Variants in ATXN8OS observed in about 807,000 individuals in gnomAD.
ATXN8OS encodes the protein ATXN8 opposite strand lncRNA, also known as ATXN8 opposite strand (non-protein coding).
chr13:70,147,565 G>C (rs928797001), intron 4 of ATXN8OS, among the ~76,000 whole-genome samples: 5 of 152,048 alleles, frequency 3.3e-5, no homozygotes, highest in African/African-American at 9.6e-5. Context: ...AAGTATATAT[G>C]GTGCCCAATT....
intron 4 of ATXN8OS, among the ~76,000 whole-genome samples, chr13:70,149,878 G>C (rs1044056597): frequency 6.6e-6 from 1 of 151,990 alleles, no homozygotes; most frequent in Non-Finnish European, 1.5e-5. Context: ...TTTCCTTGTG[G>C]AGACTATTGC....
chr13:70,138,031 T>C (rs1407950676), intron 3 of ATXN8OS, among the ~76,000 whole-genome samples: 2 of 152,182 alleles, frequency 1.3e-5, no homozygotes, highest in African/African-American at 4.8e-5. Context: ...AGAGAACTTA[T>C]TATCACGAGA....
intron 3 of ATXN8OS, among the ~76,000 whole-genome samples, chr13:70,139,703 A>G (rs917803633): frequency 6.6e-6 from 1 of 152,154 alleles, no homozygotes; most frequent in African/African-American, 2.4e-5. Context: ...GTTTGAGTGT[A>G]GGAAACAGTA....
At chr13:70,165,242 CA>C (rs900271246) in intron 4 of ATXN8OS, among the ~76,000 whole-genome samples, 4 of 150,192 alleles carry the variant, frequency 2.7e-5, no homozygotes, top group Admixed American at 6.7e-5. Context: ...AGAAGAGTAA[CA>C]AAAAAAGAAA....
intron 3 of ATXN8OS, among the ~76,000 whole-genome samples, chr13:70,145,273 G>C (rs1335054098): frequency 6.6e-6 from 1 of 152,100 alleles, no homozygotes; most frequent in Non-Finnish European, 1.5e-5. Context: ...ATAGTTTCAA[G>C]TCAGGTAGCG....
exon 1 of ATXN8OS, chr13:70,107,811 T>A: frequency 1.3e-6 from 1 of 794,120 alleles, no homozygotes; most frequent in Non-Finnish European, 1.9e-6. Context: ...ATGCGCCCTC[T>A]GCACCCCTAG....
intron 2 of ATXN8OS, among the ~76,000 whole-genome samples, chr13:70,128,705 T>G (rs563150387): frequency 1.3e-5 from 2 of 152,268 alleles, no homozygotes; most frequent in Middle Eastern, 3.4e-3. Context: ...CTCTTGTGTT[T>G]ATTTTTTTTG....
chr13:70,153,228 C>A (rs1047482983), intron 4 of ATXN8OS, among the ~76,000 whole-genome samples: 1 of 152,128 alleles, frequency 6.6e-6, no homozygotes, highest in African/African-American at 2.4e-5. Context: ...TAATGTAATA[C>A]AATTTTTTGG....
In ATXN8OS at chr13:70,127,741, T is replaced by C. The variant is rs989882034; in HGVS notation, n.399-2043T>C. On this transcript the variant is annotated intron_variant and non_coding_transcript_variant, in intron 2 of 4. Coordinates refer to ENST00000678624, the Ensembl canonical transcript of ATXN8OS. Reference sequence around the variant, plus strand: ...GTAGTTAGAGAGTACAAACATCAAATCATTAATCATGTTATTAAAAAGCAA... The same window carrying C: ...GTAGTTAGAGAGTACAAACATCAAACCATTAATCATGTTATTAAAAAGCAA... Among the ~76,000 whole-genome samples, 8 of 68,172 alleles carry C rather than the reference T, an allele frequency of 1.2e-4. 1 individual carries two copies. Among genetic ancestry groups the C allele is most frequent in the African/African-American group, 3.5e-4 (8 of 22,810 alleles). The allele number at this position is 68,172 out of a possible 152,430, so 44.7% of individuals were successfully genotyped here.
chr13:70,127,819 C>G (rs553789497), intron 2 of ATXN8OS, among the ~76,000 whole-genome samples: 10 of 151,908 alleles, frequency 6.6e-5, no homozygotes, highest in Admixed American at 5.2e-4. Flanking sequence ...ATTATCCAAG[C>G]AGAGGCTAAC....
At chr13:70,136,899 T>C (rs1463058721) in intron 3 of ATXN8OS, among the ~76,000 whole-genome samples, 3 of 152,168 alleles carry the variant, frequency 2.0e-5, no homozygotes, top group African/African-American at 4.8e-5. Context: ...CTAGATTTTG[T>C]TCAGTTTAAT....
intron 3 of ATXN8OS, among the ~76,000 whole-genome samples, chr13:70,131,866 GTAT>G (rs763801019): frequency 1.3e-5 from 2 of 152,066 alleles, no homozygotes; most frequent in Non-Finnish European, 2.9e-5. Context: ...TCCTAACAAA[GTAT>G]TAAACAAAAT....
chr13:70,128,357 C>A (rs1223591929), intron 2 of ATXN8OS, among the ~76,000 whole-genome samples: 1 of 152,106 alleles, frequency 6.6e-6, no homozygotes, highest in East Asian at 1.9e-4. Flanking sequence ...TCTTTCTGAA[C>A]ATTAGTGCCC....
At chr13:70,116,592 A>T (rs1464020778) in intron 2 of ATXN8OS, among the ~76,000 whole-genome samples, 1 of 152,166 alleles carries the variant, frequency 6.6e-6, no homozygotes, top group East Asian at 1.9e-4. Flanking sequence ...CACTTACAGG[A>T]TCTTTTAAGC....
rs371806427 is a variant in ATXN8OS, at chr13:70,124,310, GATACACAAGCAAATAT to G, written n.399-5470_399-5455del. 3.0e-3 allele frequency among the ~76,000 whole-genome samples: 449 copies of G among 152,166 alleles called. 4 individuals are homozygous for G. Among genetic ancestry groups the G allele is most frequent in the African/African-American group, 9.8e-3 (408 of 41,556 alleles). On this transcript the variant is annotated intron_variant and non_coding_transcript_variant, in intron 2 of 4. Coordinates refer to ENST00000678624, the Ensembl canonical transcript of ATXN8OS. ...TAGCACTTACATCCTTGTGGGAAAA[GATACACAAGCAAATAT>G]ATAAGTAAATAATGTCACGAGGTTG...
chr13:70,132,689 A>T (rs1888551172), intron 3 of ATXN8OS, among the ~76,000 whole-genome samples: 1 of 152,192 alleles, frequency 6.6e-6, no homozygotes, highest in South Asian at 2.1e-4. Flanking sequence ...CTCTATGAAG[A>T]TAACATGAAC....
chr13:70,133,428 G>A (rs9592676), intron 3 of ATXN8OS, among the ~76,000 whole-genome samples: 24,005 of 151,910 alleles, frequency 0.16, 2,087 homozygotes, highest in East Asian at 0.24. Context: ...AATATGTACT[G>A]TAATATTTAA....
intron 2 of ATXN8OS, among the ~76,000 whole-genome samples, chr13:70,120,714 A>C (rs1241861206): frequency 6.6e-6 from 1 of 152,170 alleles, no homozygotes; most frequent in East Asian, 1.9e-4. Context: ...AAATCTGCAC[A>C]TATACACCAT....
intron 3 of ATXN8OS, among the ~76,000 whole-genome samples, chr13:70,141,175 T>G (rs1888709500): frequency 6.6e-6 from 1 of 152,210 alleles, no homozygotes; most frequent in Admixed American, 6.5e-5. Flanking sequence ...AGTTGATCCT[T>G]CCTCAAGTTT....
Sources: gnomAD v4.1 joint callset for allele counts (sites outside exome capture counted in the v4.1 genomes callset) on GRCh38, gnomAD v4.1.1 for gene constraint, MANE v1.5 for transcripts, NCBI Gene and HGNC (gene_info 2026-07-23, HGNC 2026-07-21) for gene names.